Variants in ASMTL observed in about 807,000 individuals in gnomAD.
The protein encoded by ASMTL is probable bifunctional dTTP/UTP pyrophosphatase/methyltransferase protein.
In ASMTL, 57 loss-of-function variants were observed where a neutral mutation model predicts 60.3. The observed-to-expected ratio is 0.95, with a 90% CI of 0.76 to 1.18. The LOEUF (loss-of-function observed/expected upper bound fraction) is 1.18. ASMTL is among the 50% of genes most tolerant of loss of function. The pLI is 0.00. For synonymous variants in ASMTL, 419 were observed against 373.0 expected, an observed-to-expected ratio of 1.12 and a Z score of -1.42; for missense variants, 981 against 852.6, an observed-to-expected ratio of 1.15 and a Z score of -1.88.
chrX:1,424,818 TTATCCATCCACCTCTCCATCCATCCATC>T (rs2090570724), intron 8 of ASMTL, among the ~76,000 whole-genome samples: 1 of 117,856 alleles, frequency 8.5e-6, no homozygotes, highest in Admixed American at 8.1e-5. Flanking sequence ...ACCCTTCCAT[TTATCCATCCACCTCTCCATCCATCCATC>T]TATCCATCCA....
At chrX:1,444,144 C>G (rs1173571477) in intron 1 of ASMTL, among the ~76,000 whole-genome samples, 1 of 152,130 alleles carries the variant, frequency 6.6e-6, no homozygotes, top group Non-Finnish European at 1.5e-5. Context: ...TTCCCTCACA[C>G]AGAAACATTC....
intron 5 of ASMTL, among the ~76,000 whole-genome samples, chrX:1,433,265 C>A (rs1390338369): frequency 6.6e-6 from 1 of 151,798 alleles, no homozygotes; most frequent in Non-Finnish European, 1.5e-5. Flanking sequence ...TAATGAGGGG[C>A]CTTTTGGAAA....
chrX:1,439,751 G>A (rs766117527), intron 2 of ASMTL, among the ~76,000 whole-genome samples: 9 of 150,926 alleles, frequency 6.0e-5, no homozygotes, highest in African/African-American at 1.9e-4. Flanking sequence ...CAGCAGAATC[G>A]CTTGAACCTA....
intron 12 of ASMTL, among the ~76,000 whole-genome samples, chrX:1,406,205 GAGAT>G (rs2089831435): frequency 6.7e-6 from 1 of 149,012 alleles, no homozygotes; most frequent in Non-Finnish European, 1.5e-5. Context: ...ATGGATGGAT[GAGAT>G]GGATGGATGG....
chrX:1,444,806 T>G (rs1421673163), intron 1 of ASMTL, among the ~76,000 whole-genome samples: 6 of 151,998 alleles, frequency 3.9e-5, no homozygotes, highest in African/African-American at 1.4e-4. Context: ...CCCTCCCATC[T>G]TTTCTCTCCA....
rs769704187 is a variant in ASMTL, at chrX:1,403,502, G to T, written c.1646-13C>A. 14 of 1,611,210 alleles carry T rather than the reference G, an allele frequency of 8.7e-6. No homozygotes were observed. The East Asian group carries it at 3.1e-4, about 36-fold the overall frequency. Reference sequence around the variant, plus strand: ...AGCAGGCCGGCCCCTGAGGGAGACAGCAGAGAGCTGGAGTCCTGGCCAGCC... The same window carrying T: ...AGCAGGCCGGCCCCTGAGGGAGACATCAGAGAGCTGGAGTCCTGGCCAGCC... On this transcript the variant is annotated splice_polypyrimidine_tract_variant and intron_variant, in intron 12 of 12. Coordinates refer to ENST00000381317, the MANE Select transcript of ASMTL (RefSeq NM_004192.4).
intron 1 of ASMTL, among the ~76,000 whole-genome samples, chrX:1,451,122 C>G: frequency 7.9e-6 from 1 of 126,504 alleles, no homozygotes; most frequent in African/African-American, 3.5e-5. Flanking sequence ...TCCTGGATCA[C>G]TCTCCCCTCC....
At chrX:1,414,533 C>A (rs1359179146) in intron 11 of ASMTL, among the ~76,000 whole-genome samples, 1 of 152,050 alleles carries the variant, frequency 6.6e-6, no homozygotes, top group Non-Finnish European at 1.5e-5. Flanking sequence ...CATGGTGAAA[C>A]CCCATCTGTA....
At chrX:1,443,653 GGACACACACCGCCATCA>G (rs1465306533) in intron 1 of ASMTL, among the ~76,000 whole-genome samples, 2 of 147,538 alleles carry the variant, frequency 1.4e-5, no homozygotes, top group African/African-American at 5.1e-5. Flanking sequence ...CCGCCATCAT[GGACACACACCGCCATCA>G]TGGACACACA....
chrX:1,428,882 TCTCA>T (rs2090692739), intron 6 of ASMTL, among the ~76,000 whole-genome samples: 1 of 139,194 alleles, frequency 7.2e-6, no homozygotes, highest in Admixed American at 7.7e-5. Context: ...CTTCCTCCTG[TCTCA>T]CTTTTTTATT....
chrX:1,433,943 C>T (rs1321318514), intron 5 of ASMTL, among the ~76,000 whole-genome samples: 1 of 152,180 alleles, frequency 6.6e-6, no homozygotes, highest in African/African-American at 2.4e-5. Flanking sequence ...CAGGTGCTTG[C>T]AGGAGCCAGC....
chrX:1,412,368 C>T (rs2090062780), intron 12 of ASMTL, among the ~76,000 whole-genome samples: 1 of 151,874 alleles, frequency 6.6e-6, no homozygotes, highest in Non-Finnish European at 1.5e-5. Flanking sequence ...CCTGGGATTA[C>T]AGGTGCGCAC....
At chrX:1,453,742 T>C (rs1222156359), upstream of ASMTL, 1 of 142,494 alleles carries the variant, frequency 7.0e-6, no homozygotes, top group African/African-American at 2.8e-5. Flanking sequence ...TCCTCGTGCC[T>C]GGTGGGAGGG....
chrX:1,451,823 C>G (rs1424041778), intron 1 of ASMTL, among the ~76,000 whole-genome samples: 9 of 145,406 alleles, frequency 6.2e-5, no homozygotes, highest in African/African-American at 2.1e-4. Context: ...GCCTGGGGGT[C>G]CCGGGTTACT....
At chrX:1,421,957 A>C in intron 8 of ASMTL, 115 bp from the exon 9 acceptor site, 1 of 982,758 alleles carries the variant, frequency 1.0e-6, no homozygotes, top group Admixed American at 2.0e-5. Flanking sequence ...GACTATAGCA[A>C]ACCGTACACT....
chrX:1,425,779 G>GCC, intron 7 of ASMTL, 92 bp from the exon 8 acceptor site: 1 of 1,302,854 alleles, frequency 7.7e-7, no homozygotes, highest in African/African-American at 1.5e-5. Flanking sequence ...AACGCTGTCG[G>GCC]AAGTATACAA....
chrX:1,420,028 C>CCTCTGT (rs2090433615), intron 9 of ASMTL, among the ~76,000 whole-genome samples: 2 of 41,886 alleles, frequency 4.8e-5, no homozygotes, highest in Non-Finnish European at 1.6e-4. Flanking sequence ...TTTCTATCTC[C>CCTCTGT]CTCTGTCTCT....
chrX:1,436,958 G>C (rs182520683), intron 3 of ASMTL, among the ~76,000 whole-genome samples: 2 of 152,366 alleles, frequency 1.3e-5, no homozygotes, highest in South Asian at 4.1e-4. Flanking sequence ...CGAGATCCAG[G>C]TGTGGGCAGG....
chrX:1,404,571 AGATG>A (rs1332287766), intron 12 of ASMTL, among the ~76,000 whole-genome samples: 3 of 149,150 alleles, frequency 2.0e-5, no homozygotes, highest in South Asian at 2.2e-4. Context: ...TGCATGCATG[AGATG>A]GATGGATGGG....
Sources: gnomAD v4.1 joint callset for allele counts (sites outside exome capture counted in the v4.1 genomes callset) on GRCh38, gnomAD v4.1.1 for gene constraint, MANE v1.5 for transcripts, NCBI Gene and HGNC (gene_info 2026-07-23, HGNC 2026-07-21) for gene names.